Variants in PIGN observed in about 807,000 individuals in gnomAD.
PIGN encodes the protein GPI ethanolamine phosphate transferase 1.
In PIGN, 117 loss-of-function variants were observed where a neutral mutation model predicts 125.4. The ratio of observed to expected loss-of-function variants is 0.93; its 90% confidence interval spans 0.80 to 1.09. PIGN has a LOEUF of 1.09. Ranked by LOEUF, PIGN falls within the 50% of genes least tolerant of loss-of-function variation. PIGN has a pLI of 0.00. For missense variants in PIGN, 1,075 were observed against 1,094.9 expected (o/e 0.98, Z 0.26); for synonymous variants, 392 against 377.8 (o/e 1.04, Z -0.44).
intron 22 of PIGN, among the ~76,000 whole-genome samples, chr18:62,099,987 C>T (rs2034371315): frequency 6.6e-6 from 1 of 152,102 alleles, no homozygotes; most frequent in East Asian, 1.9e-4. Context: ...AGCTAAAAAG[C>T]TTCTGCATAG....
chr18:62,072,184 T>C (rs1485889874), intron 30 of PIGN: 1 of 151,362 alleles, frequency 6.6e-6, no homozygotes, highest in African/African-American at 2.4e-5. Context: ...GCTTAGAGAA[T>C]AGGGATATAA....
intron 20 of PIGN, chr18:62,104,890 C>T (rs1236193142): frequency 6.6e-6 from 1 of 151,920 alleles, no homozygotes; most frequent in African/African-American, 2.4e-5. Context: ...CTCAAACAGC[C>T]CATAATTTAC....
intron 14 of PIGN, among the ~76,000 whole-genome samples, chr18:62,118,138 TATAG>T (rs1401388131): frequency 6.6e-6 from 1 of 151,934 alleles, no homozygotes; most frequent in Non-Finnish European, 1.5e-5. Context: ...GTATACATGA[TATAG>T]ATAGATAGAT....
At chr18:62,118,214 A>G (rs2035162412) in intron 14 of PIGN, among the ~76,000 whole-genome samples, 1 of 152,184 alleles carries the variant, frequency 6.6e-6, no homozygotes, top group Non-Finnish European at 1.5e-5. Flanking sequence ...TACAGGAGGA[A>G]AAGTGACTTT....
intron 22 of PIGN, 105 bp downstream of exon 22, chr18:62,100,970 A>G: frequency 1.4e-6 from 1 of 691,048 alleles, no homozygotes; most frequent in South Asian, 1.7e-5. Context: ...ATTTTCCTGC[A>G]ATAAAATTAT....
chr18:62,161,373 T>G lies in PIGN; in HGVS notation c.-20A>C. 1 of 1,547,422 alleles carries G rather than the reference T, an allele frequency of 6.5e-7. No individual in the cohort carries two copies. Among genetic ancestry groups the G allele is most frequent in the Non-Finnish European group, 8.9e-7 (1 of 1,123,854 alleles). ...CAGCATATCCAGTGTAACTAATTAG[T>G]CTTCAAGAACAGCTGAAAGAGAGAA... On this transcript the variant is annotated 5_prime_UTR_variant, in exon 4 of 31. Coordinates refer to ENST00000640252, the MANE Select transcript of PIGN (RefSeq NM_176787.5).
chr18:62,037,086 C>T (rs748177366), downstream of PIGN, among the ~76,000 whole-genome samples: 3 of 152,168 alleles, frequency 2.0e-5, no homozygotes, highest in Non-Finnish European at 4.4e-5. Flanking sequence ...CACATTAAGG[C>T]TACTGCTGTC....
At chr18:62,161,489 A>T in intron 3 of PIGN, 104 bp from the exon 4 acceptor site, 2 of 574,198 alleles carry the variant, frequency 3.5e-6, no homozygotes, top group East Asian at 5.6e-5. Flanking sequence ...ATTTTTAATT[A>T]TTATATAACT....
intron 14 of PIGN, chr18:62,136,405 G>C (rs1251529508): frequency 1.3e-5 from 2 of 152,298 alleles, no homozygotes; most frequent in Non-Finnish European, 2.9e-5. Flanking sequence ...CTGGAGTGCA[G>C]TAGTGCGATC....
At chr18:62,118,847 T>A (rs2035185520) in intron 14 of PIGN, among the ~76,000 whole-genome samples, 2 of 139,096 alleles carry the variant, frequency 1.4e-5, no homozygotes, top group Non-Finnish European at 3.1e-5. Context: ...AGAACTCAGG[T>A]AAAGAAAGAA....
At chr18:62,098,503 G>C (rs1193168779) in intron 22 of PIGN, among the ~76,000 whole-genome samples, 1 of 152,164 alleles carries the variant, frequency 6.6e-6, no homozygotes, top group Admixed American at 6.5e-5. Flanking sequence ...CACATTTTCT[G>C]TCCTTGTTTT....
At chr18:62,140,386 T>C (rs1029166960) in intron 12 of PIGN, 34 bp downstream of exon 12, 1 of 942,464 alleles carries the variant, frequency 1.1e-6, no homozygotes, top group African/African-American at 1.7e-5. Context: ...TTTTTTTTTA[T>C]ACTGAGAGTT....
intron 23 of PIGN, among the ~76,000 whole-genome samples, chr18:62,092,327 T>C (rs2033999195): frequency 6.6e-6 from 1 of 152,172 alleles, no homozygotes; most frequent in Non-Finnish European, 1.5e-5. Flanking sequence ...ACCCCTCATA[T>C]ATAGTTTGTT....
At position 62,155,865 on chromosome 18, in the gene PIGN, C is replaced by A. The variant is rs571901809; in HGVS notation, c.443-1214G>T. 1.2e-4 allele frequency among the ~76,000 whole-genome samples: 19 copies of A among 152,310 alleles called. 1 individual carries two copies. The highest frequency in any genetic ancestry group is 3.4e-3 in the Middle Eastern group (1 of 294). On this transcript the variant is annotated intron_variant, in intron 6 of 30. Transcript: ENST00000640252. ...GCTCCCAAAAAAACGAAACTGCTTTCCAAAGAAGGCAATATATAAATGGCA... is the reference window on the plus strand; with the variant it reads ...GCTCCCAAAAAAACGAAACTGCTTTACAAAGAAGGCAATATATAAATGGCA...
At chr18:62,160,655 G>A (rs1280653207) in intron 4 of PIGN, among the ~76,000 whole-genome samples, 2 of 151,794 alleles carry the variant, frequency 1.3e-5, no homozygotes, top group Admixed American at 1.3e-4. Flanking sequence ...TTACAGGCAT[G>A]TGCCACCACC....
chr18:62,056,903 C>A (rs568934621), intron 30 of PIGN: 1 of 152,192 alleles, frequency 6.6e-6, no homozygotes, highest in Non-Finnish European at 1.5e-5. Context: ...TTGTGAACTG[C>A]GCATGCAAGG....
intron 14 of PIGN, among the ~76,000 whole-genome samples, chr18:62,116,047 G>A (rs946333978): frequency 3.3e-5 from 5 of 152,186 alleles, no homozygotes; most frequent in African/African-American, 9.6e-5. Context: ...GCAGACTGCA[G>A]GAAAATTCCC....
intron 1 of PIGN, among the ~76,000 whole-genome samples, chr18:62,166,159 A>C (rs1033711120): frequency 6.6e-6 from 1 of 152,154 alleles, no homozygotes; most frequent in Non-Finnish European, 1.5e-5. Flanking sequence ...GAGCTGGGCT[A>C]CTCTGAGTTT....
chr18:62,116,474 C>T (rs1253009692), intron 14 of PIGN, among the ~76,000 whole-genome samples: 1 of 152,186 alleles, frequency 6.6e-6, no homozygotes, highest in African/African-American at 2.4e-5. Flanking sequence ...AATGTGTACC[C>T]TCAGCTGCAT....
Sources: gnomAD v4.1 joint callset for allele counts (sites outside exome capture counted in the v4.1 genomes callset) on GRCh38, gnomAD v4.1.1 for gene constraint, MANE v1.5 for transcripts, NCBI Gene and HGNC (gene_info 2026-07-23, HGNC 2026-07-21) for gene names.